BRINP3: variants seen among roughly 807,000 people sequenced by gnomAD.
BRINP3 encodes BMP/retinoic acid inducible neural specific 3, also known as BMP/retinoic acid-inducible neural-specific protein 3.
A neutral mutation model predicts 71.0 loss-of-function variants in BRINP3; 19 were observed. The observed-to-expected ratio is 0.27, with a 90% confidence interval of 0.19 to 0.39. The LOEUF is 0.39. BRINP3 is among the 10% of genes least tolerant of loss of function. The probability of loss-of-function intolerance (pLI) is 1.00; values close to 1 mark genes in which losing one functional copy is unlikely to be tolerated. For synonymous variants in BRINP3, 380 were observed against 337.7 expected (o/e 1.13, Z -1.37); for missense variants, 959 against 940.8 (o/e 1.02, Z -0.25).
At chr1:190,301,275 G>T (rs1664721278) in intron 2 of BRINP3, among the ~76,000 whole-genome samples, 1 of 130,760 alleles carries the variant, frequency 7.6e-6, no homozygotes, top group Non-Finnish European at 1.6e-5. Context: ...ACAGTCCACT[G>T]GGGTCAATAT....
chr1:190,475,468 A>G (rs1449573287), intron 1 of BRINP3, among the ~76,000 whole-genome samples: 1 of 152,156 alleles, frequency 6.6e-6, no homozygotes, highest in Non-Finnish European at 1.5e-5. Context: ...CACCAAGCAC[A>G]CGTTCGCTGC....
At chr1:190,133,243 C>A (rs1202357521) in intron 7 of BRINP3, among the ~76,000 whole-genome samples, 1 of 152,092 alleles carries the variant, frequency 6.6e-6, no homozygotes, top group Non-Finnish European at 1.5e-5. Flanking sequence ...TGTAACACTG[C>A]ATCTATGGGA....
chr1:190,215,611 C>A (rs1220160539), intron 6 of BRINP3, among the ~76,000 whole-genome samples: 1 of 151,848 alleles, frequency 6.6e-6, no homozygotes, highest in East Asian at 1.9e-4. Context: ...CTAACCCAAT[C>A]TTTGCAATAC....
intron 2 of BRINP3, among the ~76,000 whole-genome samples, chr1:190,340,906 T>C (rs1321083760): frequency 6.8e-6 from 1 of 147,394 alleles, no homozygotes; most frequent in East Asian, 2.1e-4. Flanking sequence ...CTGATACTCA[T>C]TCTTTTTTTT....
At chr1:190,459,082 T>C (rs1676206028) in intron 1 of BRINP3, among the ~76,000 whole-genome samples, 1 of 150,872 alleles carries the variant, frequency 6.6e-6, no homozygotes, top group African/African-American at 2.4e-5. Context: ...TATTGAAATA[T>C]CTATTTGAAA....
chr1:190,334,432 C>A (rs1044805206), intron 2 of BRINP3, among the ~76,000 whole-genome samples: 1 of 151,630 alleles, frequency 6.6e-6, no homozygotes, highest in African/African-American at 2.4e-5. Context: ...GAAAAAGATG[C>A]AATTTTTTTC....
At chr1:190,243,696 G>A (rs1023426408) in intron 4 of BRINP3, among the ~76,000 whole-genome samples, 2 of 152,068 alleles carry the variant, frequency 1.3e-5, no homozygotes, top group Non-Finnish European at 2.9e-5. Flanking sequence ...GCACTCTGGT[G>A]AGAGTTACTA....
chr1:190,304,695 G>A (rs2103008001), intron 2 of BRINP3, among the ~76,000 whole-genome samples: 1 of 151,954 alleles, frequency 6.6e-6, no homozygotes, highest in East Asian at 1.9e-4. Context: ...CCATGTTACT[G>A]GTCTAGGTTA....
chr1:190,305,232 C>G (rs1665012949), intron 2 of BRINP3, among the ~76,000 whole-genome samples: 1 of 151,896 alleles, frequency 6.6e-6, no homozygotes, highest in South Asian at 2.1e-4. Context: ...ACAATATCAT[C>G]CAGCAATTCC....
intron 2 of BRINP3, among the ~76,000 whole-genome samples, chr1:190,413,871 A>G (rs1425479115): frequency 6.6e-6 from 1 of 152,220 alleles, no homozygotes; most frequent in Non-Finnish European, 1.5e-5. Context: ...TAAATAATTT[A>G]TGTTCAAAAA....
intron 2 of BRINP3, among the ~76,000 whole-genome samples, chr1:190,433,689 T>C (rs1674257023): frequency 6.6e-6 from 1 of 152,192 alleles, no homozygotes. Context: ...GCTATCTACC[T>C]ATCTACCTCG....
At chr1:190,196,432 G>A (rs184384472) in intron 6 of BRINP3, among the ~76,000 whole-genome samples, 2 of 152,206 alleles carry the variant, frequency 1.3e-5, no homozygotes, top group Admixed American at 1.3e-4. Flanking sequence ...CCTTAGATCT[G>A]TAGTATACAT....
At chr1:190,449,189 T>A (rs180826054) in intron 2 of BRINP3, among the ~76,000 whole-genome samples, 1 of 152,200 alleles carries the variant, frequency 6.6e-6, no homozygotes, top group Non-Finnish European at 1.5e-5. Flanking sequence ...TGTGTGATAA[T>A]TTTTAGTGTG....
intron 2 of BRINP3, among the ~76,000 whole-genome samples, chr1:190,401,200 ACATGAAAATTAGCTGGG>A (rs923702708): frequency 3.2e-4 from 48 of 152,018 alleles, no homozygotes; most frequent in African/African-American, 1.1e-3. Context: ...TTTACCAAAA[ACATGAAAATTAGCTGGG>A]CATCGTGTTG....
intron 2 of BRINP3, among the ~76,000 whole-genome samples, chr1:190,325,439 C>T (rs1666516911): frequency 1.3e-5 from 2 of 151,804 alleles, no homozygotes; most frequent in South Asian, 4.1e-4. Context: ...GCAAACTTAC[C>T]AGAAAGGATT....
chr1:190,215,525 T>C (rs540560058), intron 6 of BRINP3, among the ~76,000 whole-genome samples: 1 of 151,930 alleles, frequency 6.6e-6, no homozygotes, highest in Non-Finnish European at 1.5e-5. Context: ...AAAACTATTT[T>C]TGATAAAGAA....
In BRINP3 at chr1:190,097,919, T is replaced by C. The variant is rs1651342624; in HGVS notation, c.*99A>G. ...TTATTGACTGATATAAGACAGATAT[T>C]GAAAAGACAATTTAAATTTACTCTT... On this transcript the variant is annotated 3_prime_UTR_variant, in exon 8 of 8. Coordinates refer to ENST00000367462, the MANE Select transcript of BRINP3 (RefSeq NM_199051.3). The C allele has an allele frequency of 7.7e-7, 1 of 1,305,952 alleles. No homozygotes were observed. The highest frequency in any genetic ancestry group is 1.0e-6 in the Non-Finnish European group (1 of 953,710). The allele number at this position is 1,305,952 out of a possible 1,614,324, so 80.9% of individuals were successfully genotyped here.
At chr1:190,336,628 G>T (rs1667299305) in intron 2 of BRINP3, among the ~76,000 whole-genome samples, 1 of 152,010 alleles carries the variant, frequency 6.6e-6, no homozygotes, top group Admixed American at 6.6e-5. Flanking sequence ...ATTCCTGAAA[G>T]TATGGGTGTA....
intron 2 of BRINP3, among the ~76,000 whole-genome samples, chr1:190,343,358 T>C (rs913028169): frequency 6.6e-6 from 1 of 151,820 alleles, no homozygotes; most frequent in African/African-American, 2.4e-5. Flanking sequence ...GCAGAAACTT[T>C]GCACAGTAAA....
Sources: gnomAD v4.1 joint callset for allele counts (sites outside exome capture counted in the v4.1 genomes callset) on GRCh38, gnomAD v4.1.1 for gene constraint, MANE v1.5 for transcripts, NCBI Gene and HGNC (gene_info 2026-07-23, HGNC 2026-07-21) for gene names.